The following OR11A1 variants were observed in gnomAD, a reference collection of about 807,000 sequenced individuals.
OR11A1 encodes the protein olfactory receptor 11A1.
For missense variants in OR11A1, 380 were observed against 378.2 expected, an observed-to-expected ratio of 1.00 and a Z score of -0.04; for synonymous variants, 158 against 152.2, an observed-to-expected ratio of 1.04 and a Z score of -0.28.
intron 1 of OR11A1, among the ~76,000 whole-genome samples, chr6:29,433,480 A>G (rs1434822896): frequency 6.6e-6 from 1 of 152,174 alleles, no homozygotes; most frequent in Non-Finnish European, 1.5e-5. Context: ...GGTCCTCCAG[A>G]TTCATCCATG....
chr6:29,426,774 T>A lies in OR11A1; in HGVS notation c.868A>T (p.Ile290Phe), dbSNP rs1225704188. Reference sequence around the variant, plus strand: ...ACCTCCTTGTTCCTCATGGTATAGATCACAGGATTGAAGAGAGGGGTGACC... The same window carrying A: ...ACCTCCTTGTTCCTCATGGTATAGAACACAGGATTGAAGAGAGGGGTGACC... ...TVVTPLFNPV[I>F]YTMRNKEVHQ... The change falls in exon 5 of 5, where the codon ATC becomes TTC. Residue 290 changes from isoleucine to phenylalanine, a missense_variant. By Grantham distance (21) the Ile-to-Phe change is conservative (BLOSUM62 0). Coordinates refer to ENST00000377149, the MANE Select transcript of OR11A1 (RefSeq NM_001394828.1). The A allele has an allele frequency of 1.2e-6, 2 of 1,612,906 alleles. No homozygotes were observed. The highest frequency in any genetic ancestry group is 2.2e-5 in the South Asian group (2 of 91,078).
chr6:29,428,370 CTGG>C (rs1206968712), intron 4 of OR11A1: 1 of 985,422 alleles, frequency 1.0e-6, no homozygotes, highest in South Asian at 4.7e-5. Context: ...CAAACCCAGC[CTGG>C]GGTTGTGGGG....
At chr6:29,431,217 G>T (rs1277515027) in intron 2 of OR11A1, among the ~76,000 whole-genome samples, 1 of 151,798 alleles carries the variant, frequency 6.6e-6, no homozygotes, top group Non-Finnish European at 1.5e-5. Flanking sequence ...ATACAAAACT[G>T]TACATTTTAA....
intron 1 of OR11A1, among the ~76,000 whole-genome samples, chr6:29,443,075 T>C (rs1784366916): frequency 6.6e-6 from 1 of 152,248 alleles, no homozygotes; most frequent in African/African-American, 2.4e-5. Context: ...TAGGAATCAC[T>C]GTATTTTTCC....
intron 1 of OR11A1, chr6:29,440,735 C>T (rs1161351026): frequency 1.2e-6 from 2 of 1,613,908 alleles, no homozygotes; most frequent in Admixed American, 1.7e-5. Flanking sequence ...TCTCCACCTG[C>T]TCCTCCCACC....
At chr6:29,440,185 C>T (rs376026435) in intron 1 of OR11A1, 4 of 1,613,820 alleles carry the variant, frequency 2.5e-6, no homozygotes, top group Non-Finnish European at 3.4e-6. Context: ...CTCCAGTCCC[C>T]TATGTACTTC....
intron 1 of OR11A1, among the ~76,000 whole-genome samples, chr6:29,444,158 A>C (rs74780355): frequency 3.9e-5 from 6 of 152,212 alleles, no homozygotes; most frequent in Non-Finnish European, 7.4e-5. Flanking sequence ...TGTGATAGTG[A>C]ATGGGTCTCA....
At chr6:29,440,658 G>A in intron 1 of OR11A1, 1 of 1,614,124 alleles carries the variant, frequency 6.2e-7, no homozygotes, top group South Asian at 1.1e-5. Context: ...CCTCATCCTG[G>A]GCTCCTACGG....
At chr6:29,429,226 C>G (rs1783083911) in intron 3 of OR11A1, among the ~76,000 whole-genome samples, 1 of 152,188 alleles carries the variant, frequency 6.6e-6, no homozygotes, top group African/African-American at 2.4e-5. Flanking sequence ...TCACGGCACA[C>G]TGTTTTGTAG....
rs1406825056 is a variant in OR11A1, at chr6:29,428,225, C to T, written c.-91-493G>A. 3 of 985,598 alleles carry T rather than the reference C, an allele frequency of 3.0e-6. No homozygotes were observed. In the African/African-American group the frequency reaches 5.2e-5, roughly 17 times the overall value. The allele number at this position is 985,598 out of a possible 1,614,324, so 61.1% of individuals were successfully genotyped here. ...CAGTGATACCTTACCAACTGTTCCT[C>T]GGATAATTCTTATATATTCTTCACT... On this transcript the variant is annotated intron_variant, in intron 4 of 4. Coordinates refer to ENST00000377149, the MANE Select transcript of OR11A1 (RefSeq NM_001394828.1).
At chr6:29,440,216 C>T (rs777918985) in intron 1 of OR11A1, 1 of 1,613,966 alleles carries the variant, frequency 6.2e-7, no homozygotes, top group South Asian at 1.1e-5. Flanking sequence ...CCCTCTCGGC[C>T]TTGGAGATTG....
intron 1 of OR11A1, among the ~76,000 whole-genome samples, chr6:29,448,010 C>CT (rs9280602): frequency 0.36 from 28,583 of 80,262 alleles, 5,833 homozygotes; most frequent in South Asian, 0.57. Flanking sequence ...ATGACCCTTT[C>CT]TTTTTTTTTT....
chr6:29,431,517 G>T (rs547359754), intron 2 of OR11A1, among the ~76,000 whole-genome samples: 22 of 152,078 alleles, frequency 1.4e-4, no homozygotes, highest in African/African-American at 5.3e-4. Flanking sequence ...AGGGTGTCTC[G>T]CTTCTTCCTA....
At chr6:29,442,679 AC>A (rs61564017) in intron 1 of OR11A1, among the ~76,000 whole-genome samples, 5,947 of 152,190 alleles carry the variant, frequency 0.039, 277 homozygotes, top group African/African-American at 0.11. Flanking sequence ...CCCTGTCCCC[AC>A]CCCCCAAAAG....
rs1211043926 is a variant in OR11A1 at position 29,448,971 on chromosome 6, A to G, written c.-389+8016T>C. ...TTTAACCTCTAACTTCTCCTAATCA[A>G]TATGCCTTAAAACTCTTTCAGTGAA... On this transcript the variant is annotated intron_variant, in intron 1 of 4. Transcript: ENST00000377149. Among the ~76,000 whole-genome samples the G allele has an allele frequency of 3.3e-5, 5 of 150,128 alleles. No homozygotes were observed. In the East Asian group the frequency reaches 7.8e-4, roughly 23 times the overall value.
At chr6:29,440,377 G>A (rs770659210) in intron 1 of OR11A1, 2 of 1,614,058 alleles carry the variant, frequency 1.2e-6, no homozygotes, top group Non-Finnish European at 1.7e-6. Flanking sequence ...GCCTATGACC[G>A]CTATGCAGCC....
intron 1 of OR11A1, among the ~76,000 whole-genome samples, chr6:29,452,178 G>T (rs1345712827): frequency 1.3e-5 from 2 of 152,148 alleles, no homozygotes; most frequent in African/African-American, 4.8e-5. Context: ...GCCTACTTGA[G>T]TTGGAAGAAT....
At chr6:29,436,659 C>T (rs1323799635) in intron 1 of OR11A1, among the ~76,000 whole-genome samples, 3 of 152,104 alleles carry the variant, frequency 2.0e-5, no homozygotes, top group Non-Finnish European at 2.9e-5. Flanking sequence ...TAGAATGCAA[C>T]TGCAGTGAAT....
In OR11A1 at chr6:29,427,711, AC is replaced by A; in HGVS notation, c.-71del. On this transcript the variant is annotated 5_prime_UTR_variant, in exon 5 of 5. Transcript: ENST00000377149. ...TTTAGCATGTCTCTGCATCTTCTAT[AC>A]CAAGCCTAACGTTATTAGAGCTAAA... The A allele has an allele frequency of 6.6e-7, 1 of 1,525,218 alleles. No homozygotes were observed. The highest frequency in any genetic ancestry group is 1.3e-5 in the South Asian group (1 of 75,780). The allele number at this position is 1,525,218 out of a possible 1,614,324, so 94.5% of individuals were successfully genotyped here. A position where few individuals can be genotyped will look rare whatever the true frequency, so the allele number is the denominator to read the frequency against.
Sources: allele counts gnomAD v4.1 joint callset (sites outside exome capture counted in the v4.1 genomes callset), GRCh38; gene constraint gnomAD v4.1.1; transcripts MANE v1.5; gene names NCBI Gene and HGNC (gene_info 2026-07-23, HGNC 2026-07-21).